Variants in CSMD1 observed in about 807,000 individuals in gnomAD.
CSMD1 encodes the protein CUB and sushi domain-containing protein 1.
A neutral mutation model predicts 417.5 loss-of-function variants in CSMD1; 213 were observed. That is an observed-to-expected ratio of 0.51 (90% CI 0.46 to 0.57). The LOEUF is 0.57. Among genes scored for constraint, CSMD1 ranks in the 20% least tolerant of loss-of-function variants. The probability of loss-of-function intolerance (pLI) is 0.00; values close to 1 mark genes in which losing one functional copy is unlikely to be tolerated. For synonymous variants in CSMD1, 2,862 were observed against 1,736.8 expected (o/e 1.65, Z -16.11); for missense variants, 6,923 against 4,529.7 (o/e 1.53, Z -15.17).
At chr8:3,366,719 T>C (rs1809592177) in intron 20 of CSMD1, among the ~76,000 whole-genome samples, 1 of 152,132 alleles carries the variant, frequency 6.6e-6, no homozygotes, top group African/African-American at 2.4e-5. Flanking sequence ...CTCAGAGATC[T>C]TGTAGAGTTG....
intron 4 of CSMD1, among the ~76,000 whole-genome samples, chr8:4,014,678 C>G (rs937141172): frequency 6.6e-6 from 1 of 152,132 alleles, no homozygotes; most frequent in Non-Finnish European, 1.5e-5. Context: ...TGAGCTGTGC[C>G]AACTTGTGAT....
intron 2 of CSMD1, among the ~76,000 whole-genome samples, chr8:4,436,736 G>C (rs1010873202): frequency 2.6e-5 from 4 of 151,950 alleles, no homozygotes; most frequent in Non-Finnish European, 5.9e-5. Context: ...TAATTGTTTT[G>C]ATTTTTAGAT....
chr8:4,415,753 G>C (rs866904123), intron 3 of CSMD1, among the ~76,000 whole-genome samples: 28 of 152,194 alleles, frequency 1.8e-4, no homozygotes, highest in Admixed American at 1.6e-3. Flanking sequence ...ACTTACACTT[G>C]TGCACGTATA....
intron 40 of CSMD1, among the ~76,000 whole-genome samples, chr8:3,144,549 T>G (rs778254156): frequency 6.6e-6 from 1 of 152,054 alleles, no homozygotes; most frequent in Non-Finnish European, 1.5e-5. Flanking sequence ...CGGTACTACA[T>G]CGCCAGTCAA....
rs115826194 is a variant in CSMD1, at chr8:3,551,420, G to C, written c.1344+23525C>G. 1.4e-3 allele frequency among the ~76,000 whole-genome samples: 213 copies of C among 152,002 alleles called. 1 individual carries two copies. Among genetic ancestry groups the C allele is most frequent in the African/African-American group, 4.8e-3 (200 of 41,470 alleles). ...AAATGCTTTAGGTTGCAGTAAACTG[G>C]AATTAACTAATCTGCACACTGACAG... On this transcript the variant is annotated intron_variant, in intron 10 of 69. Transcript: ENST00000635120.
At chr8:4,802,040 A>T (rs1798316345) in intron 1 of CSMD1, among the ~76,000 whole-genome samples, 1 of 152,204 alleles carries the variant, frequency 6.6e-6, no homozygotes, top group South Asian at 2.1e-4. Flanking sequence ...TGCAAAGGGC[A>T]TTAATGGACG....
intron 62 of CSMD1, 72 bp downstream of exon 62, chr8:2,961,069 T>A (rs1442513961): frequency 8.9e-6 from 9 of 1,016,456 alleles, no homozygotes; most frequent in Non-Finnish European, 1.3e-5. Flanking sequence ...AAAAAAGCAC[T>A]CACATATGTT....
At chr8:4,144,939 G>A (rs754157201) in intron 3 of CSMD1, among the ~76,000 whole-genome samples, 1 of 150,982 alleles carries the variant, frequency 6.6e-6, no homozygotes, top group Non-Finnish European at 1.5e-5. Flanking sequence ...AGAGACCCCA[G>A]AAATCATTTC....
chr8:3,377,304 G>C (rs1810372643), intron 18 of CSMD1, among the ~76,000 whole-genome samples: 1 of 152,136 alleles, frequency 6.6e-6, no homozygotes, highest in African/African-American at 2.4e-5. Flanking sequence ...GAGCCACCAT[G>C]CCTGGCTTAT....
chr8:3,309,068 T>A (rs1027751981), intron 23 of CSMD1, among the ~76,000 whole-genome samples: 1 of 152,074 alleles, frequency 6.6e-6, no homozygotes, highest in African/African-American at 2.4e-5. Context: ...CATCTGTCAG[T>A]CCAAGCCTCC....
At chr8:4,385,894 C>A (rs1016012654) in intron 3 of CSMD1, among the ~76,000 whole-genome samples, 4 of 152,168 alleles carry the variant, frequency 2.6e-5, no homozygotes, top group Non-Finnish European at 5.9e-5. Context: ...CCAGAATTTT[C>A]TCAGAACCAG....
At chr8:3,394,031 TATATA>T (rs1811532119) in intron 17 of CSMD1, among the ~76,000 whole-genome samples, 1 of 73,750 alleles carries the variant, frequency 1.4e-5, no homozygotes, top group Non-Finnish European at 2.9e-5. Flanking sequence ...TATATATATA[TATATA>T]TATATATATA....
chr8:3,859,229 C>A (rs1804522415), intron 5 of CSMD1, among the ~76,000 whole-genome samples: 1 of 152,222 alleles, frequency 6.6e-6, no homozygotes, highest in Non-Finnish European at 1.5e-5. Context: ...CACCATTCAA[C>A]TTCTCAAGTG....
chr8:4,840,425 A>G (rs1800775473), intron 1 of CSMD1, among the ~76,000 whole-genome samples: 1 of 152,184 alleles, frequency 6.6e-6, no homozygotes. Context: ...AACCACTTAT[A>G]TGTTGAAGAC....
At chr8:4,051,959 C>T (rs944555661) in intron 3 of CSMD1, among the ~76,000 whole-genome samples, 1 of 150,372 alleles carries the variant, frequency 6.7e-6, no homozygotes, top group South Asian at 2.1e-4. Flanking sequence ...GAGTTTCACT[C>T]TTGTTGCCCA....
At chr8:3,603,508 G>C (rs1043063447) in intron 8 of CSMD1, among the ~76,000 whole-genome samples, 2 of 152,080 alleles carry the variant, frequency 1.3e-5, no homozygotes, top group Non-Finnish European at 2.9e-5. Flanking sequence ...CACTAGACAA[G>C]AGAGTAAAAA....
chr8:3,705,166 G>T (rs925960235), intron 7 of CSMD1, among the ~76,000 whole-genome samples: 11 of 152,186 alleles, frequency 7.2e-5, no homozygotes, highest in African/African-American at 2.7e-4. Context: ...GCAGTGGCAG[G>T]GGAAGGAGTC....
rs556864833 is a variant in CSMD1, at chr8:4,668,321, C to G, written c.86-30763G>C. On this transcript the variant is annotated intron_variant, in intron 1 of 69. Transcript: ENST00000635120. The stretch of plus-strand genomic sequence containing the variant: ...GTAACTTAGCTTTCTTGGATGATCA[C>G]AGCACTGTCATTGGTAGGGGTTCTT... Among the ~76,000 whole-genome samples the G allele has an allele frequency of 6.0e-4, 91 of 151,892 alleles. 2 individuals carry two copies. Among genetic ancestry groups the G allele is most frequent in the Non-Finnish European group, 1.8e-4 (12 of 67,954 alleles).
intron 1 of CSMD1, among the ~76,000 whole-genome samples, chr8:4,717,649 G>A (rs1184300151): frequency 6.6e-6 from 1 of 151,812 alleles, no homozygotes; most frequent in East Asian, 2.0e-4. Context: ...GGAAAGCACT[G>A]GTGTGAGTGG....
Sources: allele counts gnomAD v4.1 joint callset (sites outside exome capture counted in the v4.1 genomes callset), GRCh38; gene constraint gnomAD v4.1.1; transcripts MANE v1.5; gene names NCBI Gene and HGNC (gene_info 2026-07-23, HGNC 2026-07-21).